The following IFNGR1 variants were observed in gnomAD, a reference collection of about 807,000 sequenced individuals.
The protein encoded by IFNGR1 is AVP, type 2.
A neutral mutation model predicts 35.4 loss-of-function variants in IFNGR1; 23 were observed. The observed-to-expected ratio is 0.65, with a 90% CI of 0.47 to 0.92. The LOEUF is 0.92. Ranked by LOEUF, IFNGR1 falls within the 40% of genes least tolerant of loss-of-function variation. The pLI, the probability that IFNGR1 is intolerant of heterozygous loss-of-function variation, is 0.00. For missense variants in IFNGR1, 533 were observed against 583.4 expected (o/e 0.91, Z 0.89); for synonymous variants, 199 against 209.5 (o/e 0.95, Z 0.43).
Position 137,198,497 on chromosome 6 carries a change from T to C in IFNGR1, c.1004A>G (p.His335Arg). 6.2e-7 allele frequency: 1 copy of C among 1,614,194 alleles called. No individual in the cohort carries two copies. Among genetic ancestry groups the C allele is most frequent in the East Asian group, 2.2e-5 (1 of 44,888 alleles). The change falls in exon 7 of 7, where the codon CAT (histidine) becomes CGT (arginine). Residue 335 changes from histidine (H) to arginine (R), a missense_variant. His to Arg is a conservative substitution (Grantham distance 29). Transcript: ENST00000367739. ...PLSPATVPGM[H>R]TEDNPGKVEH... ...CACTTTTCCTGGATTGTCTTCGGTATGCATGCCTGGAACTGTTGCTGGAGA... is the reference window on the plus strand; with the variant it reads ...CACTTTTCCTGGATTGTCTTCGGTACGCATGCCTGGAACTGTTGCTGGAGA...
Position 137,198,145 on chromosome 6 carries a change from G to A in IFNGR1, c.1356C>T (p.Pro452=), listed in dbSNP as rs1257556553. The A allele has an allele frequency of 7.4e-6, 12 of 1,613,978 alleles. No individual in the cohort carries two copies. Among genetic ancestry groups the A allele is most frequent in the Non-Finnish European group, 9.3e-6 (11 of 1,180,006 alleles). The part of the protein sequence containing the change: ...GQELITVIKA[P]TSFGYDKPHV... ...GTGGTTTATCATAACCAAAGGAGGT[G>A]GGGGCTTTTATTACGGTTATGAGCT... The change falls in exon 7 of 7, where the codon CCC becomes CCT. Residue 452 remains proline (P), a synonymous_variant. Transcript: ENST00000367739.
Position 137,198,155 on chromosome 6 carries a change from A to G in IFNGR1, c.1346T>C (p.Ile449Thr), listed in dbSNP as rs2114441239. The change falls in exon 7 of 7, where the codon ATA becomes ACA. Residue 449 changes from isoleucine (I) to threonine (T), a missense_variant. Transcript: ENST00000367739. Reference protein sequence around the residue: ...KTEGQELITVIKAPTSFGYDK... With the variant: ...KTEGQELITVTKAPTSFGYDK... Reference sequence around the variant, plus strand: ...ATAACCAAAGGAGGTGGGGGCTTTTATTACGGTTATGAGCTCTTGTCCTTC... The same window carrying G: ...ATAACCAAAGGAGGTGGGGGCTTTTGTTACGGTTATGAGCTCTTGTCCTTC... The G allele has an allele frequency of 6.2e-7, 1 of 1,614,134 alleles. No individual in the cohort carries two copies. Among genetic ancestry groups the G allele is most frequent in the Non-Finnish European group, 8.5e-7 (1 of 1,180,012 alleles).
At chr6:137,212,011 CT>C (rs1347717414) in intron 1 of IFNGR1, among the ~76,000 whole-genome samples, 1 of 152,070 alleles carries the variant, frequency 6.6e-6, no homozygotes, top group East Asian at 1.9e-4. Flanking sequence ...GTCCTGGTTT[CT>C]TTTTAACAGT....
At chr6:137,208,920 T>C (rs997531338) in intron 1 of IFNGR1, among the ~76,000 whole-genome samples, 1 of 152,152 alleles carries the variant, frequency 6.6e-6, no homozygotes, top group Non-Finnish European at 1.5e-5. Flanking sequence ...TGGCAGCCTG[T>C]GAAAGCAGCT....
chr6:137,215,910 C>T (rs940375868), intron 1 of IFNGR1, among the ~76,000 whole-genome samples: 2 of 152,102 alleles, frequency 1.3e-5, no homozygotes, highest in Non-Finnish European at 2.9e-5. Context: ...ATGGGTTTTG[C>T]CATGTTGCCC....
At chr6:137,204,778 GT>G (rs1779391101) in intron 3 of IFNGR1, among the ~76,000 whole-genome samples, 1 of 152,000 alleles carries the variant, frequency 6.6e-6, no homozygotes, top group East Asian at 1.9e-4. Context: ...AATAAAAATA[GT>G]TATAAACTTT....
intron 1 of IFNGR1, among the ~76,000 whole-genome samples, chr6:137,217,508 C>A: frequency 6.6e-6 from 1 of 152,144 alleles, no homozygotes; most frequent in South Asian, 2.1e-4. Context: ...AGAGCCTTTC[C>A]CTGGCATTTT....
In IFNGR1 at chr6:137,197,682, A is replaced by T. The variant is rs1779118118; in HGVS notation, c.*349T>A. 4.6e-6 allele frequency: 1 copy of T among 217,158 alleles called. No individual in the cohort carries two copies. Among genetic ancestry groups the T allele is most frequent in the East Asian group, 1.2e-4 (1 of 8,654 alleles). 13.5% of individuals were successfully genotyped at this position (217,158 alleles called of 1,614,324 possible). Reference sequence around the variant, plus strand: ...ACTTACAAAAACATATGCTATACCAAGGCAGAGAAAAGAAAAAAAGTGAAG... The same window carrying T: ...ACTTACAAAAACATATGCTATACCATGGCAGAGAAAAGAAAAAAAGTGAAG... On this transcript the variant is annotated 3_prime_UTR_variant, in exon 7 of 7. Transcript: ENST00000367739.
chr6:137,217,633 T>C (rs1779736556), intron 1 of IFNGR1, among the ~76,000 whole-genome samples: 1 of 152,226 alleles, frequency 6.6e-6, no homozygotes, highest in Non-Finnish European at 1.5e-5. Context: ...TGGAGAGTCC[T>C]AGCAGTTTGG....
chr6:137,203,812 A>C, intron 4 of IFNGR1, 127 bp from the exon 5 acceptor site: 1 of 780,858 alleles, frequency 1.3e-6, no homozygotes, highest in Admixed American at 2.5e-5. Flanking sequence ...CATGTCTAAA[A>C]ATAGCTTTAC....
At chr6:137,200,844 A>T in intron 6 of IFNGR1, 37 bp downstream of exon 6, 1 of 1,442,262 alleles carries the variant, frequency 6.9e-7, no homozygotes, top group Non-Finnish European at 9.5e-7. Flanking sequence ...GGTTCAAGTT[A>T]ACTTTTTAGT....
chr6:137,217,272 A>T (rs948814043), intron 1 of IFNGR1, among the ~76,000 whole-genome samples: 2 of 152,222 alleles, frequency 1.3e-5, no homozygotes, highest in African/African-American at 4.8e-5. Flanking sequence ...TCTAAATGGC[A>T]TGTCTGATCC....
At chr6:137,207,635 GC>G (rs1240618403) in intron 1 of IFNGR1, among the ~76,000 whole-genome samples, 1 of 152,142 alleles carries the variant, frequency 6.6e-6, no homozygotes, top group African/African-American at 2.4e-5. Context: ...TGGGGCTTCT[GC>G]TTTTTGCTTC....
chr6:137,199,330 TAA>T (rs1431913211), intron 6 of IFNGR1, among the ~76,000 whole-genome samples: 119 of 129,040 alleles, frequency 9.2e-4, no homozygotes, highest in Non-Finnish European at 1.5e-3. Context: ...ATATAATTTA[TAA>T]TATATAATAT....
At chr6:137,206,057 G>T (rs867984641) in intron 3 of IFNGR1, 79 bp downstream of exon 3, 25 of 1,156,748 alleles carry the variant, frequency 2.2e-5, no homozygotes, top group African/African-American at 6.1e-5. Flanking sequence ...TTCAGCAACT[G>T]CTAATAAAAG....
At chr6:137,214,500 G>C (rs921940945) in intron 1 of IFNGR1, among the ~76,000 whole-genome samples, 1 of 152,124 alleles carries the variant, frequency 6.6e-6, no homozygotes, top group Non-Finnish European at 1.5e-5. Context: ...TCTTTTTAAA[G>C]AGCCAGGCAT....
intron 1 of IFNGR1, among the ~76,000 whole-genome samples, chr6:137,213,392 A>G (rs1046252430): frequency 6.6e-6 from 1 of 152,220 alleles, no homozygotes; most frequent in Non-Finnish European, 1.5e-5. Flanking sequence ...TATCCGGAGT[A>G]AACTTTAGCT....
chr6:137,202,653 T>C (rs1184240477), intron 5 of IFNGR1, among the ~76,000 whole-genome samples: 1 of 121,100 alleles, frequency 8.3e-6, no homozygotes, highest in East Asian at 2.7e-4. Context: ...ACAAAGATAA[T>C]CATCAAAGCA....
intron 2 of IFNGR1, 72 bp from the exon 3 acceptor site, chr6:137,206,380 C>T (rs1435596913): frequency 9.8e-6 from 12 of 1,221,802 alleles, no homozygotes; most frequent in Non-Finnish European, 1.4e-5. Context: ...TCTGTCTGTG[C>T]TTTGCTTTTT....
Sources: allele counts gnomAD v4.1 joint callset (sites outside exome capture counted in the v4.1 genomes callset), GRCh38; gene constraint gnomAD v4.1.1; transcripts MANE v1.5; gene names NCBI Gene and HGNC (gene_info 2026-07-23, HGNC 2026-07-21).